Variants in L3MBTL3 observed in about 807,000 individuals in gnomAD.
L3MBTL3 encodes L3MBTL histone methyl-lysine binding protein 3, also known as lethal(3)malignant brain tumor-like protein 3.
A neutral mutation model predicts 102.3 loss-of-function variants in L3MBTL3; 27 were observed. That is an observed-to-expected ratio of 0.26 (90% CI 0.19 to 0.36). L3MBTL3 has a LOEUF of 0.36. Among genes scored for constraint, L3MBTL3 ranks in the 10% least tolerant of loss-of-function variants. The pLI is 1.00. For missense variants in L3MBTL3, 798 were observed against 955.3 expected, an observed-to-expected ratio of 0.84 and a Z score of 2.17; for synonymous variants, 340 against 320.9, an observed-to-expected ratio of 1.06 and a Z score of -0.64.
intron 10 of L3MBTL3, among the ~76,000 whole-genome samples, chr6:130,063,779 C>A (rs1394096396): frequency 6.6e-6 from 1 of 152,184 alleles, no homozygotes; most frequent in East Asian, 1.9e-4. Context: ...AGCACTATGT[C>A]AGGGGCCATT....
At chr6:130,047,266 A>C (rs2114737014) in intron 3 of L3MBTL3, among the ~76,000 whole-genome samples, 1 of 152,314 alleles carries the variant, frequency 6.6e-6, no homozygotes. Flanking sequence ...TGTGCCCCGA[A>C]GTGACATTGC....
At chr6:130,028,759 C>T (rs926413671) in intron 2 of L3MBTL3, among the ~76,000 whole-genome samples, 1 of 152,212 alleles carries the variant, frequency 6.6e-6, no homozygotes, top group Admixed American at 6.5e-5. Context: ...TAGATTTTCT[C>T]TTATCCTTAT....
At position 130,115,295 on chromosome 6, in the gene L3MBTL3, C is replaced by T. The variant is rs149663701; in HGVS notation, c.1887-5584C>T. On this transcript the variant is annotated intron_variant, in intron 19 of 22. Coordinates refer to ENST00000361794, the MANE Select transcript of L3MBTL3 (RefSeq NM_032438.4). The stretch of plus-strand genomic sequence containing the variant: ...TTGAGCTGCCGCAAGGTAGCCATGT[C>T]TCTGATGCTGGGCCAGCAATAACTG... Among the ~76,000 whole-genome samples, 125 of 152,278 alleles carry T rather than the reference C, an allele frequency of 8.2e-4. 2 individuals carry two copies. Among genetic ancestry groups the T allele is most frequent in the African/African-American group, 2.9e-3 (120 of 41,538 alleles).
chr6:130,121,246 A>G (rs945078798), intron 20 of L3MBTL3, among the ~76,000 whole-genome samples: 5 of 151,786 alleles, frequency 3.3e-5, no homozygotes, highest in Admixed American at 6.6e-5. Context: ...TGGCAAGTAG[A>G]CTCCAGTGTC....
At chr6:130,131,150 A>G (rs59998617) in intron 20 of L3MBTL3, among the ~76,000 whole-genome samples, 19,664 of 152,138 alleles carry the variant, frequency 0.13, 2,149 homozygotes, top group African/African-American at 0.29. Flanking sequence ...TATTGTAAAG[A>G]AGTCATTTCT....
intron 12 of L3MBTL3, among the ~76,000 whole-genome samples, chr6:130,070,616 A>G (rs1166414686): frequency 6.6e-6 from 1 of 152,124 alleles, no homozygotes; most frequent in African/African-American, 2.4e-5. Flanking sequence ...TAATCAAGAA[A>G]AGAAGGATAA....
At chr6:130,105,767 G>A (rs1314986090) in intron 19 of L3MBTL3, among the ~76,000 whole-genome samples, 1 of 152,064 alleles carries the variant, frequency 6.6e-6, no homozygotes, top group Non-Finnish European at 1.5e-5. Flanking sequence ...TTTAAAAATT[G>A]TTTATTGTTT....
intron 20 of L3MBTL3, among the ~76,000 whole-genome samples, chr6:130,127,635 A>G (rs1461786134): frequency 2.6e-5 from 4 of 152,214 alleles, no homozygotes; most frequent in African/African-American, 9.6e-5. Flanking sequence ...GAGGGATGAA[A>G]TAATGAAGTC....
chr6:130,032,037 C>T (rs1037442523), intron 2 of L3MBTL3, among the ~76,000 whole-genome samples: 3 of 152,046 alleles, frequency 2.0e-5, no homozygotes, highest in African/African-American at 4.8e-5. Context: ...CTCCGCCTCC[C>T]GAGTAGCTGA....
chr6:130,122,896 G>T (rs1303385093), intron 20 of L3MBTL3, among the ~76,000 whole-genome samples: 1 of 152,098 alleles, frequency 6.6e-6, no homozygotes, highest in Non-Finnish European at 1.5e-5. Flanking sequence ...TTATTGTGAG[G>T]ATTAAATGCA....
chr6:130,025,294 A>T (rs1779274165), intron 2 of L3MBTL3, among the ~76,000 whole-genome samples: 1 of 152,166 alleles, frequency 6.6e-6, no homozygotes, highest in African/African-American at 2.4e-5. Context: ...TCCATGGAAG[A>T]TATATTTTCT....
Position 130,133,975 on chromosome 6 carries a change from A to G in L3MBTL3, c.2199+70A>G. On this transcript the variant is annotated intron_variant, in intron 22 of 22. Coordinates refer to ENST00000361794, the MANE Select transcript of L3MBTL3 (RefSeq NM_032438.4). The surrounding 1 kb of genome is among the most constrained non-coding windows in gnomAD (Gnocchi z 4.9). Reference sequence around the variant, plus strand: ...AGCACTGAAATGCAGTGGAAGGTGAAATGTGTGGAATTGGCAGAGTCAAAA... The same window carrying G: ...AGCACTGAAATGCAGTGGAAGGTGAGATGTGTGGAATTGGCAGAGTCAAAA... 2 of 1,236,140 alleles carry G rather than the reference A, an allele frequency of 1.6e-6. No homozygotes were observed. Among genetic ancestry groups the G allele is most frequent in the Non-Finnish European group, 2.4e-6 (2 of 841,260 alleles). 76.6% of individuals were successfully genotyped at this position (1,236,140 alleles called of 1,614,324 possible).
At chr6:130,057,190 T>G (rs765493536) in intron 8 of L3MBTL3, among the ~76,000 whole-genome samples, 17 of 152,192 alleles carry the variant, frequency 1.1e-4, no homozygotes, top group Admixed American at 7.2e-4. Flanking sequence ...GTACTTCCAC[T>G]TCCATCTTCT....
intron 19 of L3MBTL3, among the ~76,000 whole-genome samples, chr6:130,116,939 T>TC (rs1316495360): frequency 6.7e-6 from 1 of 149,322 alleles, no homozygotes; most frequent in Non-Finnish European, 1.5e-5. Flanking sequence ...TATTTTTTTT[T>TC]CCTCTTATTT....
chr6:130,089,119 A>G (rs1306166062), intron 16 of L3MBTL3, among the ~76,000 whole-genome samples: 1 of 152,060 alleles, frequency 6.6e-6, no homozygotes, highest in Non-Finnish European at 1.5e-5. Flanking sequence ...TACAACGTGC[A>G]GGTTTGTCAC....
intron 20 of L3MBTL3, among the ~76,000 whole-genome samples, chr6:130,127,178 CTT>C (rs1786663985): frequency 6.6e-6 from 1 of 152,154 alleles, no homozygotes; most frequent in Admixed American, 6.5e-5. Context: ...ATGGTGATGA[CTT>C]TTAGTGGTTA....
rs540103949 is a variant in L3MBTL3 at position 130,115,420 on chromosome 6, G to A, written c.1887-5459G>A. ...TGGACTTAAAGAGGTGGCGGAAATC[G>A]ATAAATCCCTAAATTGGGGCAAAAT... is the stretch of plus-strand genomic sequence containing the variant. On this transcript the variant is annotated intron_variant, in intron 19 of 22. Transcript: ENST00000361794. Among the ~76,000 whole-genome samples the A allele has an allele frequency of 2.3e-4, 35 of 152,270 alleles. 1 individual carries two copies. The South Asian group carries it at 5.2e-3, about 23-fold the overall frequency.
intron 19 of L3MBTL3, among the ~76,000 whole-genome samples, chr6:130,118,755 A>C (rs1785908060): frequency 6.6e-6 from 1 of 152,222 alleles, no homozygotes; most frequent in African/African-American, 2.4e-5. Flanking sequence ...AAAACTGAAC[A>C]TGCTTCTATA....
chr6:130,087,351 A>G (rs1300645221), intron 16 of L3MBTL3, among the ~76,000 whole-genome samples: 2 of 152,158 alleles, frequency 1.3e-5, no homozygotes, highest in Non-Finnish European at 2.9e-5. Flanking sequence ...TTTGGTAGTA[A>G]TGTAAGTCAT....
Sources: allele counts gnomAD v4.1 joint callset (sites outside exome capture counted in the v4.1 genomes callset), GRCh38; gene constraint gnomAD v4.1.1; non-coding constraint Gnocchi (gnomAD v3.1); transcripts MANE v1.5; gene names NCBI Gene and HGNC (gene_info 2026-07-23, HGNC 2026-07-21).